Variants in KRAS observed in about 807,000 individuals in gnomAD.
KRAS encodes KRas proto-oncogene, GTPase.
A neutral mutation model predicts 21.0 loss-of-function variants in KRAS; 1 was observed. That is an observed-to-expected ratio of 0.05 (90% CI 0.02 to 0.23). The LOEUF (loss-of-function observed/expected upper bound fraction) is 0.23. Among genes scored for constraint, KRAS ranks in the 10% least tolerant of loss-of-function variants. KRAS has a pLI of 1.00. For synonymous variants in KRAS, 67 were observed against 72.5 expected (o/e 0.92, Z 0.39); for missense variants, 107 against 221.8 (o/e 0.48, Z 3.29).
chr12:25,208,345 A>C lies in KRAS; in HGVS notation c.*1450T>G. ...ATCTCACTTCATTTATTTTAAAATA[A>C]GTAACATTTTAAATTTATCAAAAGG... On this transcript the variant is annotated 3_prime_UTR_variant, in exon 5 of 5. Coordinates refer to ENST00000311936, the MANE Select transcript of KRAS (RefSeq NM_004985.5). The C allele has an allele frequency of 4.3e-6, 1 of 233,198 alleles. No homozygotes were observed. 14.4% of individuals were successfully genotyped at this position (233,198 alleles called of 1,614,324 possible).
At chr12:25,247,522 T>G (rs1286111799) in intron 1 of KRAS, among the ~76,000 whole-genome samples, 1 of 152,148 alleles carries the variant, frequency 6.6e-6, no homozygotes, top group Non-Finnish European at 1.5e-5. Flanking sequence ...CCAAAGCAAT[T>G]AGGAATAGAT....
intron 4 of KRAS, 109 bp downstream of exon 4, chr12:25,225,505 T>C (rs1246133337): frequency 1.8e-6 from 2 of 1,103,998 alleles, no homozygotes; most frequent in Non-Finnish European, 2.7e-6. Flanking sequence ...TACTAAATAT[T>C]GTTTTATTTC....
At chr12:25,246,818 G>A (rs1951688905) in intron 1 of KRAS, among the ~76,000 whole-genome samples, 5 of 151,676 alleles carry the variant, frequency 3.3e-5, no homozygotes, top group Admixed American at 3.3e-4. Flanking sequence ...TTGGGAGGCT[G>A]AGGCAGAAGA....
chr12:25,249,324 G>A (rs1217673214), intron 1 of KRAS, among the ~76,000 whole-genome samples: 1 of 152,140 alleles, frequency 6.6e-6, no homozygotes, highest in African/African-American at 2.4e-5. Flanking sequence ...TTGAATGCAG[G>A]AGGCAGAGGT....
intron 4 of KRAS, among the ~76,000 whole-genome samples, chr12:25,219,910 C>G (rs2141496029): frequency 6.8e-6 from 1 of 146,002 alleles, no homozygotes; most frequent in Admixed American, 6.8e-5. Context: ...TAACGGGGTT[C>G]TTCTAACAAT....
chr12:25,228,178 CTTTT>C (rs34584556), intron 2 of KRAS, among the ~76,000 whole-genome samples: 1 of 76,778 alleles, frequency 1.3e-5, no homozygotes, highest in Non-Finnish European at 2.3e-5. Context: ...TTTCTTTCAT[CTTTT>C]TTTTTTTTTT....
intron 4 of KRAS, among the ~76,000 whole-genome samples, chr12:25,218,778 T>A (rs565870116): frequency 6.6e-6 from 1 of 152,130 alleles, no homozygotes; most frequent in African/African-American, 2.4e-5. Flanking sequence ...CCAAAATCTG[T>A]AGATAATTTT....
chr12:25,235,527 C>T (rs954837762), intron 2 of KRAS, among the ~76,000 whole-genome samples: 1 of 152,012 alleles, frequency 6.6e-6, no homozygotes, highest in Non-Finnish European at 1.5e-5. Flanking sequence ...AGTTTCTGAC[C>T]TCAAGCAACT....
At chr12:25,236,147 A>C (rs1301608982) in intron 2 of KRAS, among the ~76,000 whole-genome samples, 1 of 152,054 alleles carries the variant, frequency 6.6e-6, no homozygotes, top group Non-Finnish European at 1.5e-5. Context: ...CCAAGAAGTG[A>C]AACTGGACAA....
intron 2 of KRAS, among the ~76,000 whole-genome samples, chr12:25,241,312 A>T (rs1207183417): frequency 7.9e-5 from 12 of 152,232 alleles, no homozygotes. Context: ...TTAAACAGCG[A>T]AACTACACAA....
intron 1 of KRAS, among the ~76,000 whole-genome samples, chr12:25,248,731 C>G (rs1266885155): frequency 6.6e-6 from 1 of 151,680 alleles, no homozygotes; most frequent in African/African-American, 2.4e-5. Flanking sequence ...GATCCCTCAC[C>G]GAGAGTTAGA....
At position 25,209,303 on chromosome 12, in the gene KRAS, G is replaced by T; in HGVS notation, c.*492C>A. 1.6e-6 allele frequency: 1 copy of T among 625,038 alleles called. No individual in the cohort carries two copies. The highest frequency in any genetic ancestry group is 2.0e-5 in the South Asian group (1 of 49,620). 38.7% of individuals were successfully genotyped at this position (625,038 alleles called of 1,614,324 possible). A position where few individuals can be genotyped will look rare whatever the true frequency, so the allele number is the denominator to read the frequency against. On this transcript the variant is annotated 3_prime_UTR_variant, in exon 5 of 5. Coordinates refer to ENST00000311936, the MANE Select transcript of KRAS (RefSeq NM_004985.5). ...CATTCATCAGGGATGACAAACTATAGGACATGATGCCTAGAAGAATCATCA... is the reference window on the plus strand; with the variant it reads ...CATTCATCAGGGATGACAAACTATATGACATGATGCCTAGAAGAATCATCA...
intron 4 of KRAS, chr12:25,215,430 A>C (rs1951242913): frequency 6.2e-7 from 1 of 1,613,324 alleles, no homozygotes. Context: ...GCTGAACTTA[A>C]ACTTACCAGA....
chr12:25,212,604 A>G (rs185654347), intron 4 of KRAS, among the ~76,000 whole-genome samples: 34 of 152,296 alleles, frequency 2.2e-4, no homozygotes, highest in Middle Eastern at 3.4e-3. Context: ...ATTAATTTCA[A>G]TCGTGAAGGA....
At chr12:25,233,900 A>T (rs955778035) in intron 2 of KRAS, 1 of 192,404 alleles carries the variant, frequency 5.2e-6, no homozygotes, top group African/African-American at 2.3e-5. Context: ...ACAATTTAAC[A>T]GATTTTTCAA....
chr12:25,231,335 G>A (rs1398802164), intron 2 of KRAS, among the ~76,000 whole-genome samples: 6 of 151,672 alleles, frequency 4.0e-5, no homozygotes, highest in African/African-American at 9.7e-5. Context: ...GATCCGCCTC[G>A]GCCTCCCAAA....
intron 3 of KRAS, among the ~76,000 whole-genome samples, chr12:25,226,081 C>A (rs939116489): frequency 6.6e-6 from 1 of 151,984 alleles, no homozygotes; most frequent in Non-Finnish European, 1.5e-5. Flanking sequence ...ACCCAAAGTG[C>A]TATATAACAG....
At chr12:25,215,238 C>G (rs114748473) in intron 4 of KRAS, 1 of 730,220 alleles carries the variant, frequency 1.4e-6, no homozygotes. Flanking sequence ...TAGTCTACTA[C>G]AGCCATCAAA....
At chr12:25,231,714 T>C (rs1436239995) in intron 2 of KRAS, among the ~76,000 whole-genome samples, 1 of 152,130 alleles carries the variant, frequency 6.6e-6, no homozygotes, top group Non-Finnish European at 1.5e-5. Context: ...ATAATACTGT[T>C]GATTAGAAAT....
Sources: gnomAD v4.1 joint callset for allele counts (sites outside exome capture counted in the v4.1 genomes callset) on GRCh38, gnomAD v4.1.1 for gene constraint, MANE v1.5 for transcripts, NCBI Gene and HGNC (gene_info 2026-07-23, HGNC 2026-07-21) for gene names.